Variants in EPHB1 observed in about 807,000 individuals in gnomAD.
EPHB1 encodes the protein ephrin type-B receptor 1.
In EPHB1, 30 loss-of-function variants were observed where a neutral mutation model predicts 94.4. The ratio of observed to expected loss-of-function variants is 0.32; its 90% CI spans 0.24 to 0.43. The LOEUF is 0.43. Among genes scored for constraint, EPHB1 ranks in the 20% least tolerant of loss-of-function variants. The pLI is 1.00. For missense variants in EPHB1, 1,055 were observed against 1,308.3 expected, an observed-to-expected ratio of 0.81 and a Z score of 2.99; for synonymous variants, 522 against 489.1, an observed-to-expected ratio of 1.07 and a Z score of -0.89.
At chr3:134,977,666 T>C (rs1458251250) in intron 3 of EPHB1, among the ~76,000 whole-genome samples, 1 of 152,066 alleles carries the variant, frequency 6.6e-6, no homozygotes, top group Non-Finnish European at 1.5e-5. Context: ...GGGTGCTCCT[T>C]TGTTTTCTGC....
chr3:135,234,645 A>T (rs1266736467), intron 12 of EPHB1, among the ~76,000 whole-genome samples: 1 of 152,218 alleles, frequency 6.6e-6, no homozygotes, highest in Non-Finnish European at 1.5e-5. Context: ...ATTGACTCAC[A>T]GTTCAGCATG....
At chr3:134,868,250 G>A (rs181604829) in intron 1 of EPHB1, among the ~76,000 whole-genome samples, 20 of 152,284 alleles carry the variant, frequency 1.3e-4, no homozygotes, top group East Asian at 1.2e-3. Context: ...ACTGAGAGGA[G>A]GCTCTTACCA....
chr3:135,022,373 T>C (rs1204663795), intron 3 of EPHB1, among the ~76,000 whole-genome samples: 1 of 152,204 alleles, frequency 6.6e-6, no homozygotes, highest in Admixed American at 6.5e-5. Flanking sequence ...TGGTATAAGA[T>C]TTTTACTAAC....
intron 1 of EPHB1, among the ~76,000 whole-genome samples, chr3:134,796,679 C>T (rs1449242576): frequency 6.6e-6 from 1 of 152,250 alleles, no homozygotes; most frequent in African/African-American, 2.4e-5. Context: ...GCGGCCGCGG[C>T]AGCCTCCTGG....
rs186536858 is a variant in EPHB1 at position 135,069,825 on chromosome 3, A to T, written c.806-36623A>T. On this transcript the variant is annotated intron_variant, in intron 3 of 15. Transcript: ENST00000398015. ...ACTTGAGTCCCACCAATACATGATTAAAAAAAAAAGCTAGAATGGTTTGAT... is the reference window on the plus strand; with the variant it reads ...ACTTGAGTCCCACCAATACATGATTTAAAAAAAAAGCTAGAATGGTTTGAT... Among the ~76,000 whole-genome samples, 425 of 148,866 alleles carry T rather than the reference A, an allele frequency of 2.9e-3. 1 individual carries two copies. The highest frequency in any genetic ancestry group is 5.2e-3 in the Non-Finnish European group (345 of 66,942).
intron 10 of EPHB1, among the ~76,000 whole-genome samples, chr3:135,188,916 C>T (rs923047615): frequency 1.1e-4 from 17 of 152,278 alleles, no homozygotes; most frequent in Admixed American, 7.2e-4. Flanking sequence ...ACAGAATTTC[C>T]ATTCTTTAAG....
intron 3 of EPHB1, among the ~76,000 whole-genome samples, chr3:134,969,874 A>G (rs1290360448): frequency 2.0e-5 from 3 of 152,290 alleles, no homozygotes; most frequent in African/African-American, 7.2e-5. Context: ...ACACACAGGT[A>G]TGTTTCCCTG....
intron 8 of EPHB1, among the ~76,000 whole-genome samples, 191 bp from the exon 9 acceptor site, chr3:135,166,751 C>A (rs901615683): frequency 6.6e-6 from 1 of 152,220 alleles, no homozygotes; most frequent in Non-Finnish European, 1.5e-5. Context: ...GAACCATCTG[C>A]CCACAGGAGT....
chr3:134,809,690 C>T (rs982681279), intron 1 of EPHB1, among the ~76,000 whole-genome samples: 1 of 152,186 alleles, frequency 6.6e-6, no homozygotes, highest in Non-Finnish European at 1.5e-5. Flanking sequence ...ACATGAAGCA[C>T]ATTTACTAAC....
intron 11 of EPHB1, among the ~76,000 whole-genome samples, chr3:135,194,249 TAGAC>T (rs1942536993): frequency 6.6e-6 from 1 of 151,970 alleles, no homozygotes; most frequent in Non-Finnish European, 1.5e-5. Flanking sequence ...GTGTTCATCT[TAGAC>T]AGTATAACCT....
rs1473173223 is a variant in EPHB1 at position 134,925,867 on chromosome 3, A to G, written c.110A>G (p.Asn37Ser). ...TATAELGWTA[N>S]PASGWEEVSG... ...ACTGCAGAGCTGGGCTGGACGGCCA[A>G]TCCTGCGTCCGGGGTGAGTATCAAA... The change falls in exon 2 of 16, where the codon AAT becomes AGT. Residue 37 changes from asparagine (N) to serine (S), a missense_variant. Coordinates refer to ENST00000398015, the MANE Select transcript of EPHB1 (RefSeq NM_004441.5). The G allele has an allele frequency of 2.5e-6, 4 of 1,605,202 alleles. No homozygotes were observed. The highest frequency in any genetic ancestry group is 1.1e-5 in the South Asian group (1 of 89,290).
chr3:135,010,852 G>A (rs1480497325), intron 3 of EPHB1, among the ~76,000 whole-genome samples: 2 of 152,070 alleles, frequency 1.3e-5, no homozygotes, highest in African/African-American at 2.4e-5. Context: ...GTGAGCCACC[G>A]TGCCCGGCCG....
chr3:135,219,577 T>C (rs181024194), intron 12 of EPHB1, among the ~76,000 whole-genome samples: 71 of 152,242 alleles, frequency 4.7e-4, no homozygotes, highest in African/African-American at 1.6e-3. Flanking sequence ...GCGAAAGCCT[T>C]GATTTCAGAC....
At chr3:134,816,505 G>T (rs547750074) in intron 1 of EPHB1, among the ~76,000 whole-genome samples, 1 of 152,054 alleles carries the variant, frequency 6.6e-6, no homozygotes, top group Admixed American at 6.5e-5. Flanking sequence ...CTGTGTGTTC[G>T]TCCCGTAAGT....
At chr3:135,147,066 A>G (rs1241481599) in intron 5 of EPHB1, among the ~76,000 whole-genome samples, 1 of 152,230 alleles carries the variant, frequency 6.6e-6, no homozygotes, top group Non-Finnish European at 1.5e-5. Context: ...AGATCACATA[A>G]TAAGCAAATG....
chr3:135,129,506 A>G (rs561913894), intron 4 of EPHB1, among the ~76,000 whole-genome samples: 15 of 152,322 alleles, frequency 9.8e-5, no homozygotes, highest in African/African-American at 3.1e-4. Context: ...AGAGGGGTAT[A>G]TACATGGGAC....
At chr3:135,124,898 G>A (rs1940137130) in intron 4 of EPHB1, among the ~76,000 whole-genome samples, 1 of 151,600 alleles carries the variant, frequency 6.6e-6, no homozygotes, top group Non-Finnish European at 1.5e-5. Flanking sequence ...AGCTTGCGGT[G>A]AGACAGGCAT....
At chr3:135,009,262 G>A (rs529948012) in intron 3 of EPHB1, among the ~76,000 whole-genome samples, 11 of 152,182 alleles carry the variant, frequency 7.2e-5, no homozygotes, top group Non-Finnish European at 1.6e-4. Context: ...AGGCCCCAGA[G>A]CCATGAGGAG....
chr3:134,797,061 A>G (rs919438661), intron 1 of EPHB1, among the ~76,000 whole-genome samples: 1 of 152,090 alleles, frequency 6.6e-6, no homozygotes, highest in African/African-American at 2.4e-5. Context: ...GGCGAAGACC[A>G]CCGCATCCCA....
Sources: gnomAD v4.1 joint callset for allele counts (sites outside exome capture counted in the v4.1 genomes callset) on GRCh38, gnomAD v4.1.1 for gene constraint, MANE v1.5 for transcripts, NCBI Gene and HGNC (gene_info 2026-07-23, HGNC 2026-07-21) for gene names.